Variants in FGD4 observed in about 807,000 individuals in gnomAD.
FGD4 encodes FYVE, RhoGEF and PH domain containing 4, also known as FYVE, RhoGEF and PH domain-containing protein 4.
FGD4 carries 42 observed loss-of-function variants against 102.0 expected under a neutral mutation model. The observed-to-expected ratio is 0.41, with a 90% CI of 0.32 to 0.53. FGD4 has a LOEUF of 0.53. FGD4 is among the 20% of genes least tolerant of loss of function. The probability of loss-of-function intolerance (pLI) is 0.21; values close to 1 mark genes in which losing one functional copy is unlikely to be tolerated. For synonymous variants in FGD4, 380 were observed against 375.7 expected (o/e 1.01, Z -0.13); for missense variants, 902 against 1,078.2 (o/e 0.84, Z 2.29).
Position 32,602,009 on chromosome 12 carries a change from G to A in FGD4, c.1248-152G>A, listed in dbSNP as rs1206559962. On this transcript the variant is annotated intron_variant, in intron 6 of 16. Transcript: ENST00000534526. ...GCGTGCCTGTAGTCCCAGCTACTGA[G>A]AGTGCTGAAGCTGGAGGATTGATTG... The A allele has an allele frequency of 1.5e-5, 10 of 678,696 alleles. No homozygotes were observed. In the East Asian group the frequency reaches 2.7e-4, roughly 18 times the overall value. The allele number at this position is 678,696 out of a possible 1,614,324, so 42.0% of individuals were successfully genotyped here.
intron 1 of FGD4, among the ~76,000 whole-genome samples, chr12:32,557,194 G>A (rs1565837069): frequency 6.6e-6 from 1 of 152,128 alleles, no homozygotes; most frequent in Non-Finnish European, 1.5e-5. Context: ...TGTATACTTG[G>A]TGACTTTCAT....
Position 32,527,680 on chromosome 12 carries a change from G to A in FGD4, c.167-36457G>A, listed in dbSNP as rs186899200. Among the ~76,000 whole-genome samples the A allele has an allele frequency of 8.3e-4, 126 of 152,126 alleles. 2 individuals carry two copies. The highest frequency in any genetic ancestry group is 2.6e-3 in the African/African-American group (110 of 41,510). On this transcript the variant is annotated intron_variant, in intron 1 of 16. Coordinates refer to ENST00000534526, the MANE Select transcript of FGD4 (RefSeq NM_001370298.3). ...CCTGACCCTGTGATCCACCCGCCTC[G>A]TCCTCCCAAAGTGCTGGGATTAACA...
chr12:32,575,096 A>G (rs774401340), intron 2 of FGD4, among the ~76,000 whole-genome samples: 8 of 152,220 alleles, frequency 5.3e-5, no homozygotes, highest in Non-Finnish European at 8.8e-5. Context: ...TTAGTATTTC[A>G]TGAAATGATC....
In FGD4 at chr12:32,524,798, T is replaced by G. The variant is rs116114935; in HGVS notation, c.167-39339T>G. On this transcript the variant is annotated intron_variant, in intron 1 of 16. Coordinates refer to ENST00000534526, the MANE Select transcript of FGD4 (RefSeq NM_001370298.3). The stretch of plus-strand genomic sequence containing the variant: ...TGTGATCACACCACTGCGATCCACC[T>G]GGGTGACAGAGTGAGACACTGTTTC... Among the ~76,000 whole-genome samples the G allele has an allele frequency of 9.1e-3, 1,372 of 150,672 alleles. 23 individuals carry two copies. The highest frequency in any genetic ancestry group is 0.031 in the African/African-American group (1,284 of 41,012).
intron 1 of FGD4, among the ~76,000 whole-genome samples, chr12:32,526,988 T>A (rs928114249): frequency 6.6e-5 from 10 of 152,158 alleles, no homozygotes; most frequent in African/African-American, 1.9e-4. Flanking sequence ...CAGTAAAGAT[T>A]TTAAAAATTA....
intron 4 of FGD4, among the ~76,000 whole-genome samples, chr12:32,597,965 C>T (rs922313404): frequency 9.9e-5 from 15 of 152,214 alleles, no homozygotes; most frequent in African/African-American, 2.9e-4. Flanking sequence ...CAGCCTCAAC[C>T]TCCTCCCATC....
intron 1 of FGD4, among the ~76,000 whole-genome samples, chr12:32,509,752 G>C (rs1006331434): frequency 6.6e-6 from 1 of 152,112 alleles, no homozygotes; most frequent in African/African-American, 2.4e-5. Context: ...ATTCATCCAG[G>C]CCTTTCAAGG....
chr12:32,410,490 G>GA (rs368173697), intron 1 of FGD4, among the ~76,000 whole-genome samples: 3,028 of 142,668 alleles, frequency 0.021, 104 homozygotes, highest in African/African-American at 0.071. Context: ...GTCTCAAAAA[G>GA]AAAAAAAAAA....
chr12:32,621,178 C>T (rs1436138751), intron 11 of FGD4, among the ~76,000 whole-genome samples: 1 of 151,944 alleles, frequency 6.6e-6, no homozygotes, highest in Non-Finnish European at 1.5e-5. Context: ...AGTTCTAGAC[C>T]AGCCTGGCCA....
At chr12:32,581,251 A>G (rs1946593733) in intron 3 of FGD4, among the ~76,000 whole-genome samples, 1 of 152,196 alleles carries the variant, frequency 6.6e-6, no homozygotes, top group Non-Finnish European at 1.5e-5. Context: ...TTAAGGAAGA[A>G]TGAAATCTAA....
At chr12:32,579,946 G>A (rs189173794) in intron 3 of FGD4, among the ~76,000 whole-genome samples, 12 of 152,034 alleles carry the variant, frequency 7.9e-5, no homozygotes, top group Non-Finnish European at 1.5e-4. Flanking sequence ...GGTGGGTTGG[G>A]AGCAAAGGTG....
intron 2 of FGD4, among the ~76,000 whole-genome samples, chr12:32,573,442 C>A (rs1250815308): frequency 1.3e-5 from 2 of 152,134 alleles, no homozygotes; most frequent in Admixed American, 6.5e-5. Flanking sequence ...TACAAGATTT[C>A]TTTTTCTTTT....
At position 32,613,984 on chromosome 12, in the gene FGD4, G is replaced by T. The variant is rs147715740; in HGVS notation, c.1749+2701G>T. ...CAAATGGGTAACTAATTTTAAGAAG[G>T]GACAAGACATTGTTGAAGATGAAAC... On this transcript the variant is annotated intron_variant, in intron 10 of 16. Coordinates refer to ENST00000534526, the MANE Select transcript of FGD4 (RefSeq NM_001370298.3). Among the ~76,000 whole-genome samples the T allele has an allele frequency of 1.3e-3, 193 of 152,182 alleles. 4 individuals carry two copies. Among genetic ancestry groups the T allele is most frequent in the Middle Eastern group, 6.8e-3 (2 of 294 alleles).
chr12:32,475,817 C>T (rs922299657), intron 1 of FGD4, among the ~76,000 whole-genome samples: 1 of 152,164 alleles, frequency 6.6e-6, no homozygotes, highest in African/African-American at 2.4e-5. Flanking sequence ...TTGATCTTTG[C>T]CCTAAGGCCA....
intron 3 of FGD4, 73 bp downstream of exon 3, chr12:32,576,522 A>G: frequency 6.7e-7 from 1 of 1,495,872 alleles, no homozygotes; most frequent in Non-Finnish European, 9.3e-7. Flanking sequence ...ATAGTCATAG[A>G]TACATTCTAA....
chr12:32,491,033 C>T (rs2136576847), intron 1 of FGD4, among the ~76,000 whole-genome samples: 1 of 150,930 alleles, frequency 6.6e-6, no homozygotes, highest in Admixed American at 6.6e-5. Context: ...ACCTTTTGCC[C>T]TGCCTGATTT....
intron 1 of FGD4, among the ~76,000 whole-genome samples, chr12:32,492,418 AT>A (rs1203070976): frequency 6.6e-6 from 1 of 152,248 alleles, no homozygotes; most frequent in Non-Finnish European, 1.5e-5. Context: ...TGATTCTGAT[AT>A]GTGTCACACA....
chr12:32,408,262 G>A (rs1256140770), intron 1 of FGD4, among the ~76,000 whole-genome samples: 4 of 150,594 alleles, frequency 2.7e-5, no homozygotes, highest in Non-Finnish European at 4.4e-5. Context: ...TCTGCCTCCC[G>A]GGTTCAAGCA....
intron 1 of FGD4, among the ~76,000 whole-genome samples, chr12:32,442,298 C>G (rs944453174): frequency 6.6e-6 from 1 of 151,988 alleles, no homozygotes; most frequent in African/African-American, 2.4e-5. Context: ...TGTGATCCAC[C>G]CACCTCAGCC....
Sources: allele counts gnomAD v4.1 joint callset (sites outside exome capture counted in the v4.1 genomes callset), GRCh38; gene constraint gnomAD v4.1.1; transcripts MANE v1.5; gene names NCBI Gene and HGNC (gene_info 2026-07-23, HGNC 2026-07-21).